DIP2A: variants seen among roughly 807,000 people sequenced by gnomAD.
DIP2A encodes the protein DIP2 acetate--CoA ligase A.
DIP2A carries 85 observed loss-of-function variants against 177.4 expected under a neutral mutation model. The observed-to-expected ratio is 0.48, with a 90% CI of 0.40 to 0.57. The LOEUF is 0.57. Ranked by LOEUF, DIP2A falls within the 20% of genes least tolerant of loss-of-function variation. The pLI, the probability that DIP2A is intolerant of heterozygous loss-of-function variation, is 0.00. For synonymous variants in DIP2A, 886 were observed against 881.8 expected (o/e 1.00, Z -0.08); for missense variants, 1,791 against 2,100.2 (o/e 0.85, Z 2.88).
At position 46,569,736 on chromosome 21, in the gene DIP2A, G is replaced by A. The variant is rs549114972; in HGVS notation, c.*2114G>A. ...CTGCATTTTGAAATGTGTGAAAAGGGTCTTTAAATTACCCCGAATAGGTTG... is the reference window on the plus strand; with the variant it reads ...CTGCATTTTGAAATGTGTGAAAAGGATCTTTAAATTACCCCGAATAGGTTG... On this transcript the variant is annotated 3_prime_UTR_variant, in exon 38 of 38. Coordinates refer to ENST00000417564, the MANE Select transcript of DIP2A (RefSeq NM_015151.4). The A allele has an allele frequency of 2.0e-5, 3 of 151,962 alleles. No homozygotes were observed. The South Asian group carries it at 6.2e-4, about 32-fold the overall frequency. The allele number at this position is 151,962 out of a possible 1,614,324, so 9.4% of individuals were successfully genotyped here. A position where few individuals can be genotyped will look rare whatever the true frequency, so the allele number is the denominator to read the frequency against.
At chr21:46,562,591 C>T (rs1486252048) in intron 34 of DIP2A, among the ~76,000 whole-genome samples, 1 of 152,132 alleles carries the variant, frequency 6.6e-6, no homozygotes, top group Non-Finnish European at 1.5e-5. Context: ...AGGGGTGAGA[C>T]TGCGGACAGA....
At chr21:46,511,737 A>G (rs2058323329) in intron 8 of DIP2A, 123 bp downstream of exon 8, 3 of 1,092,886 alleles carry the variant, frequency 2.7e-6, no homozygotes, top group Non-Finnish European at 3.8e-6. Flanking sequence ...GCAGATAAAT[A>G]GAACATTGAC....
chr21:46,486,195 A>G (rs2148447017), intron 2 of DIP2A, among the ~76,000 whole-genome samples: 1 of 152,118 alleles, frequency 6.6e-6, no homozygotes, highest in Non-Finnish European at 1.5e-5. Flanking sequence ...TATATGAAAC[A>G]CCAGCCATGT....
At chr21:46,474,163 G>A (rs904657450) in intron 1 of DIP2A, among the ~76,000 whole-genome samples, 48 of 152,174 alleles carry the variant, frequency 3.2e-4, no homozygotes, top group Non-Finnish European at 1.5e-4. Context: ...GGAGGGTCTA[G>A]GGTGACTCTG....
chr21:46,499,999 A>G (rs1373168753), intron 5 of DIP2A, among the ~76,000 whole-genome samples: 1 of 152,176 alleles, frequency 6.6e-6, no homozygotes, highest in Non-Finnish European at 1.5e-5. Context: ...TGGGGTCCCC[A>G]TGGGTGCCGA....
chr21:46,567,354 T>C lies in DIP2A; in HGVS notation c.4464-16T>C. Reference sequence around the variant, plus strand: ...GTGCCTGTATCCATGTGACCCAGTCTGTCTTCTCTCTGCAGTGCCGTATTC... The same window carrying C: ...GTGCCTGTATCCATGTGACCCAGTCCGTCTTCTCTCTGCAGTGCCGTATTC... On this transcript the variant is annotated splice_polypyrimidine_tract_variant and intron_variant, in intron 37 of 37. Transcript: ENST00000417564. 1 of 1,606,582 alleles carries C rather than the reference T, an allele frequency of 6.2e-7. No individual in the cohort carries two copies. Among genetic ancestry groups the C allele is most frequent in the Non-Finnish European group, 8.5e-7 (1 of 1,175,160 alleles).
In DIP2A at chr21:46,529,115, A is replaced by G; in HGVS notation, c.1126A>G (p.Lys376Glu). The change falls in exon 9 of 38, where the codon AAA becomes GAA. Residue 376 changes from lysine (K) to glutamate (E), a missense_variant. Lys to Glu is a moderately conservative substitution (Grantham distance 56, BLOSUM62 1). Transcript: ENST00000417564. ...TYGKLWSRSL[K>E]LAYTLLNKLT... is the part of the protein sequence containing the mutation. ...AGGTAAACTTTGGAGTCGGAGTTTA[A>G]AACTAGCTTATACTCTACTTAATAA... The G allele has an allele frequency of 2.0e-6, 3 of 1,521,760 alleles. No individual in the cohort carries two copies. The highest frequency in any genetic ancestry group is 1.7e-4 in the Middle Eastern group (1 of 5,938). The allele number at this position is 1,521,760 out of a possible 1,614,324, so 94.3% of individuals were successfully genotyped here.
chr21:46,487,228 A>G (rs374400916), intron 2 of DIP2A, among the ~76,000 whole-genome samples: 34 of 152,340 alleles, frequency 2.2e-4, no homozygotes, highest in African/African-American at 7.9e-4. Flanking sequence ...TATTGGTATG[A>G]TATATTTTAT....
At position 46,557,003 on chromosome 21, in the gene DIP2A, C is replaced by T. The variant is rs1276692506; in HGVS notation, c.3563C>T (p.Ser1188Leu). 8.1e-6 allele frequency: 13 copies of T among 1,600,328 alleles called. No individual in the cohort carries two copies. Among genetic ancestry groups the T allele is most frequent in the Middle Eastern group, 3.4e-4 (2 of 5,968 alleles). The stretch of plus-strand genomic sequence containing the variant: ...AAGCTGCAGTGTGAGCTGTACCCCT[C>T]GCGGCAGATCGCCATCTGCCTCGAC... Reference protein sequence around the residue: ...SIKLQCELYPSRQIAICLDPY... With the variant: ...SIKLQCELYPLRQIAICLDPY... Residue 1188 changes from serine (S) to leucine (L), a missense_variant, in exon 30 of 38, where the codon TCG (serine) becomes TTG (leucine). By Grantham distance (145) the Ser-to-Leu change is moderately radical (BLOSUM62 -2). Transcript: ENST00000417564. The surrounding 1 kb of genome is among the most constrained non-coding windows in gnomAD (Gnocchi z 6.0).
At chr21:46,484,921 A>C (rs1162219003) in intron 2 of DIP2A, 93 bp downstream of exon 2, 12 of 1,257,672 alleles carry the variant, frequency 9.5e-6, no homozygotes, top group Admixed American at 2.9e-5. Flanking sequence ...ATTTGTTAGC[A>C]ATGTTAAACC....
At chr21:46,567,224 C>T (rs1008120585) in intron 37 of DIP2A, 146 bp from the exon 38 acceptor site, 28 of 1,212,858 alleles carry the variant, frequency 2.3e-5, no homozygotes, top group Non-Finnish European at 2.8e-5. Context: ...ATGGATCTGG[C>T]CTGATCTTTA....
intron 22 of DIP2A, 37 bp from the exon 23 acceptor site, chr21:46,550,506 T>C (rs200723288): frequency 2.9e-5 from 46 of 1,586,132 alleles, no homozygotes; most frequent in Middle Eastern, 3.7e-4. Flanking sequence ...CAGCCTCAAG[T>C]TGGGGGCCTG....
rs762536955 is a variant in DIP2A, at chr21:46,557,566, C to T, written c.3630-19C>T. Reference sequence around the variant, plus strand: ...TGCTGGGTGGGCGGGCGGAGCCTCACGAGCCTTCCCTCTCGCAGTGTCTAC... The same window carrying T: ...TGCTGGGTGGGCGGGCGGAGCCTCATGAGCCTTCCCTCTCGCAGTGTCTAC... On this transcript the variant is annotated intron_variant, in intron 30 of 37. Transcript: ENST00000417564. The surrounding 1 kb of genome is among the most constrained non-coding windows in gnomAD (Gnocchi z 6.0). 8 of 1,594,138 alleles carry T rather than the reference C, an allele frequency of 5.0e-6. No individual in the cohort carries two copies. In the African/African-American group the frequency reaches 5.4e-5, roughly 11 times the overall value.
At chr21:46,553,559 G>T in intron 25 of DIP2A, 1 of 153,290 alleles carries the variant, frequency 6.5e-6, no homozygotes. Flanking sequence ...CAGTCCTAGA[G>T]GAGACACACA....
chr21:46,533,844 C>T (rs892356349), intron 11 of DIP2A, among the ~76,000 whole-genome samples, 160 bp from the exon 12 acceptor site: 2 of 152,182 alleles, frequency 1.3e-5, no homozygotes, highest in Non-Finnish European at 2.9e-5. Context: ...AGCCACTGGC[C>T]GGATGTACCT....
chr21:46,554,113 G>C, intron 25 of DIP2A, 56 bp from the exon 26 acceptor site: 1 of 1,569,060 alleles, frequency 6.4e-7, no homozygotes, highest in Non-Finnish European at 8.7e-7. Flanking sequence ...GCAGATCTGC[G>C]AACAGCCCAC....
chr21:46,510,431 C>G (rs2058250448), intron 7 of DIP2A, among the ~76,000 whole-genome samples: 1 of 152,258 alleles, frequency 6.6e-6, no homozygotes, highest in Non-Finnish European at 1.5e-5. Context: ...TCAATCCCAT[C>G]AAGTTGACAT....
In DIP2A at chr21:46,565,800, C is replaced by T; in HGVS notation, c.4252C>T (p.Leu1418=). The change falls in exon 36 of 38, where the codon CTG becomes TTG. Residue 1418 remains leucine, a synonymous_variant. Transcript: ENST00000417564. The part of the protein sequence containing the change: ...ALHADHFSAR[L]SFGDTQTIWA... ...TCATGCCGACCACTTCAGTGCCCGGCTGAGTTTTGGAGACACACAGACCAT... is the reference window on the plus strand; with the variant it reads ...TCATGCCGACCACTTCAGTGCCCGGTTGAGTTTTGGAGACACACAGACCAT... 1.2e-6 allele frequency: 2 copies of T among 1,614,010 alleles called. No homozygotes were observed. The highest frequency in any genetic ancestry group is 1.7e-6 in the Non-Finnish European group (2 of 1,179,896).
chr21:46,572,964 T>G (rs2060977888), downstream of DIP2A, among the ~76,000 whole-genome samples: 1 of 152,184 alleles, frequency 6.6e-6, no homozygotes, highest in Non-Finnish European at 1.5e-5. Flanking sequence ...ATAGGCTATA[T>G]CATATAGCCT....
Sources: allele counts gnomAD v4.1 joint callset (sites outside exome capture counted in the v4.1 genomes callset), GRCh38; gene constraint gnomAD v4.1.1; non-coding constraint Gnocchi (gnomAD v3.1); transcripts MANE v1.5; gene names NCBI Gene and HGNC (gene_info 2026-07-23, HGNC 2026-07-21).